Variants in LRCH2 observed in about 807,000 individuals in gnomAD.
The protein encoded by LRCH2 is leucine-rich repeat and calponin homology domain-containing protein 2.
A neutral mutation model predicts 68.9 loss-of-function variants in LRCH2; 38 were observed. The observed-to-expected ratio is 0.55, with a 90% CI of 0.43 to 0.72. LRCH2 has a LOEUF of 0.72. LRCH2 is among the 30% of genes least tolerant of loss of function. LRCH2 has a pLI of 0.00. For missense variants in LRCH2, 528 were observed against 572.9 expected (o/e 0.92, Z 0.80); for synonymous variants, 191 against 208.1 (o/e 0.92, Z 0.71).
At chrX:115,217,467 G>C (rs373535799) in intron 1 of LRCH2, among the ~76,000 whole-genome samples, 65 of 111,338 alleles carry the variant, frequency 5.8e-4, no homozygotes, top group Non-Finnish European at 9.4e-4. Context: ...TTATGAGTGG[G>C]AACGTGCAGT....
intron 11 of LRCH2, among the ~76,000 whole-genome samples, chrX:115,157,666 C>T (rs1226532402): frequency 9.3e-6 from 1 of 108,012 alleles, no homozygotes; most frequent in Non-Finnish European, 1.9e-5. Flanking sequence ...TATAGGCATG[C>T]ATTAAAATTG....
intron 1 of LRCH2, chrX:115,189,775 C>T (rs1556556401): frequency 1.0e-5 from 12 of 1,167,094 alleles, no homozygotes; most frequent in East Asian, 3.3e-5. Context: ...ACACAGAACC[C>T]GTGGGGGTGG....
intron 1 of LRCH2, among the ~76,000 whole-genome samples, chrX:115,218,848 T>G (rs2073059626): frequency 8.9e-6 from 1 of 112,149 alleles, no homozygotes; most frequent in Non-Finnish European, 1.9e-5. Context: ...AAATCTCAGC[T>G]TTTGCTGCTT....
At chrX:115,173,570 A>ACC (rs200605697) in intron 5 of LRCH2, among the ~76,000 whole-genome samples, 4 of 111,187 alleles carry the variant, frequency 3.6e-5, no homozygotes, top group African/African-American at 1.3e-4. Context: ...AAGCTATGCA[A>ACC]CCCCCCCAGC....
intron 1 of LRCH2, among the ~76,000 whole-genome samples, chrX:115,211,282 G>A (rs184596382): frequency 3.8e-4 from 42 of 111,430 alleles, no homozygotes; most frequent in African/African-American, 1.1e-3. Context: ...GGTATTTCCC[G>A]TGCTGTTCTC....
At chrX:115,212,012 T>G (rs2073010749) in intron 1 of LRCH2, among the ~76,000 whole-genome samples, 2 of 112,245 alleles carry the variant, frequency 1.8e-5, no homozygotes. Flanking sequence ...AAACAAATTT[T>G]GTCTAAAGGA....
chrX:115,165,802 T>C (rs1034396025), intron 8 of LRCH2, 39 bp downstream of exon 8: 1 of 1,029,420 alleles, frequency 9.7e-7, no homozygotes, highest in Non-Finnish European at 1.3e-6. Context: ...ATGTGGGCTA[T>C]GTACATGAAA....
chrX:115,197,741 GTCTCTCTCTCTCTT>G (rs2072898351), intron 1 of LRCH2, among the ~76,000 whole-genome samples: 2 of 103,473 alleles, frequency 1.9e-5, no homozygotes, highest in Non-Finnish European at 3.9e-5. Flanking sequence ...AAAAGAAAAA[GTCTCTCTCTCTCTT>G]TCTCTCTCTC....
intron 1 of LRCH2, among the ~76,000 whole-genome samples, chrX:115,203,530 C>G (rs2072944080): frequency 8.9e-6 from 1 of 112,534 alleles, no homozygotes; most frequent in Non-Finnish European, 1.9e-5. Flanking sequence ...TTAGTTACTT[C>G]CTATATACAA....
At chrX:115,134,932 C>CA (rs2072275747) in intron 14 of LRCH2, among the ~76,000 whole-genome samples, 3 of 110,463 alleles carry the variant, frequency 2.7e-5, no homozygotes, top group Non-Finnish European at 5.7e-5. Context: ...TTCTAGATGC[C>CA]ATTAAGAACA....
At chrX:115,188,187 C>T (rs1569515439) in intron 2 of LRCH2, 39 bp downstream of exon 2, 2 of 1,020,300 alleles carry the variant, frequency 2.0e-6, no homozygotes, top group Non-Finnish European at 2.6e-6. Flanking sequence ...ATTAGAACAA[C>T]AATAAAAACC....
chrX:115,188,939 G>A (rs922633434), intron 1 of LRCH2, among the ~76,000 whole-genome samples: 2 of 111,874 alleles, frequency 1.8e-5, no homozygotes, highest in African/African-American at 3.3e-5. Context: ...AAATACCAAC[G>A]AAGAATTATC....
chrX:115,174,912 T>G, intron 5 of LRCH2, among the ~76,000 whole-genome samples: 1 of 111,041 alleles, frequency 9.0e-6, no homozygotes, highest in Non-Finnish European at 1.9e-5. Flanking sequence ...AAGGGACTGA[T>G]TGCCAGGAAA....
intron 1 of LRCH2, among the ~76,000 whole-genome samples, chrX:115,210,260 C>T (rs868986883): frequency 8.1e-5 from 9 of 111,198 alleles, no homozygotes; most frequent in Non-Finnish European, 1.1e-4. Context: ...AAAATGGTTT[C>T]GTGGGCCAGT....
intron 20 of LRCH2, among the ~76,000 whole-genome samples, chrX:115,119,013 G>A (rs191989357): frequency 9.0e-5 from 10 of 111,018 alleles, no homozygotes; most frequent in East Asian, 2.8e-4. Flanking sequence ...TTGATGGGAC[G>A]TATCTCAAAA....
chrX:115,123,151 G>A lies in LRCH2; in HGVS notation c.1891C>T (p.Pro631Ser). The stretch of plus-strand genomic sequence containing the variant: ...ATCTTTCTTCTCATTGTAAATCCTG[G>A]ATCTGCTGCCCCATATTCTTGGCGA... ...SSRQEYGAAD[P>S]GFTMRRKMEH... is the part of the protein sequence containing the mutation. The change falls in exon 18 of 21, where the codon CCA becomes TCA. Residue 631 changes from proline to serine, a missense_variant. Coordinates refer to ENST00000317135, the MANE Select transcript of LRCH2 (RefSeq NM_020871.4). The A allele has an allele frequency of 8.3e-7, 1 of 1,209,764 alleles. No individual in the cohort carries two copies. Among genetic ancestry groups the A allele is most frequent in the Non-Finnish European group, 1.1e-6 (1 of 894,653 alleles).
intron 14 of LRCH2, among the ~76,000 whole-genome samples, chrX:115,148,658 AAC>A (rs1971720609): frequency 8.9e-6 from 1 of 112,098 alleles, no homozygotes; most frequent in Admixed American, 9.5e-5. Flanking sequence ...CTGGAATGTA[AAC>A]ACAATTACAG....
intron 2 of LRCH2, among the ~76,000 whole-genome samples, chrX:115,185,582 G>A (rs142593150): frequency 9.1e-6 from 1 of 110,138 alleles, no homozygotes; most frequent in Non-Finnish European, 1.9e-5. Flanking sequence ...CTAGCATTTC[G>A]TGTAACATAC....
At chrX:115,132,836 T>C (rs1222021238) in intron 14 of LRCH2, among the ~76,000 whole-genome samples, 1 of 112,047 alleles carries the variant, frequency 8.9e-6, no homozygotes, top group Non-Finnish European at 1.9e-5. Context: ...TGAGTGAATA[T>C]GCTAATATTT....
Sources: allele counts gnomAD v4.1 joint callset (sites outside exome capture counted in the v4.1 genomes callset), GRCh38; gene constraint gnomAD v4.1.1; transcripts MANE v1.5; gene names NCBI Gene and HGNC (gene_info 2026-07-23, HGNC 2026-07-21).